ZMPSTE24: variants seen among roughly 807,000 people sequenced by gnomAD.
The protein encoded by ZMPSTE24 is zinc metallopeptidase STE24.
ZMPSTE24 carries 48 observed loss-of-function variants against 56.7 expected under a neutral mutation model. The ratio of observed to expected loss-of-function variants is 0.85; its 90% confidence interval spans 0.67 to 1.08. The LOEUF is 1.08. Ranked by LOEUF, ZMPSTE24 falls within the 50% of genes least tolerant of loss-of-function variation. The pLI, the probability that ZMPSTE24 is intolerant of heterozygous loss-of-function variation, is 0.00. For missense variants in ZMPSTE24, 503 were observed against 548.7 expected (o/e 0.92, Z 0.83); for synonymous variants, 172 against 195.2 (o/e 0.88, Z 0.99).
At chr1:40,265,531 A>G (rs1267634346) in intron 2 of ZMPSTE24, among the ~76,000 whole-genome samples, 5 of 152,136 alleles carry the variant, frequency 3.3e-5, no homozygotes, top group Non-Finnish European at 7.4e-5. Flanking sequence ...GTGAGACCCC[A>G]TCTGTACAAA....
At chr1:40,269,135 G>A (rs1298967480) in intron 4 of ZMPSTE24, among the ~76,000 whole-genome samples, 6 of 149,538 alleles carry the variant, frequency 4.0e-5, no homozygotes, top group East Asian at 2.0e-4. Flanking sequence ...AGTGGCTCAC[G>A]CCTGTAATCC....
At chr1:40,271,781 T>C (rs1165294072) in intron 5 of ZMPSTE24, 113 bp from the exon 6 acceptor site, 1 of 1,219,498 alleles carries the variant, frequency 8.2e-7, no homozygotes, top group Non-Finnish European at 1.1e-6. Flanking sequence ...GTAAGTTCCT[T>C]GTTCTCAAGT....
At chr1:40,278,974 C>T (rs1442930975) in intron 6 of ZMPSTE24, among the ~76,000 whole-genome samples, 1 of 152,024 alleles carries the variant, frequency 6.6e-6, no homozygotes, top group Non-Finnish European at 1.5e-5. Context: ...CATAGCAAGA[C>T]CCTGTCTCTA....
chr1:40,276,279 A>G (rs1643670933), intron 6 of ZMPSTE24, among the ~76,000 whole-genome samples: 1 of 152,228 alleles, frequency 6.6e-6, no homozygotes. Context: ...AGCGCTAAAA[A>G]TACAGATTTG....
chr1:40,283,016 T>G (rs770638724), intron 7 of ZMPSTE24, among the ~76,000 whole-genome samples: 3 of 152,184 alleles, frequency 2.0e-5, no homozygotes, highest in Non-Finnish European at 4.4e-5. Flanking sequence ...AGAAAATGAT[T>G]AGCATCTGAG....
chr1:40,269,724 C>T (rs1643593939), intron 4 of ZMPSTE24, among the ~76,000 whole-genome samples: 1 of 152,176 alleles, frequency 6.6e-6, no homozygotes, highest in Non-Finnish European at 1.5e-5. Context: ...TCTAGGCCTT[C>T]CAAAGTGCTG....
At chr1:40,261,911 A>G (rs962342518) in intron 2 of ZMPSTE24, among the ~76,000 whole-genome samples, 9 of 152,106 alleles carry the variant, frequency 5.9e-5, no homozygotes, top group Admixed American at 3.9e-4. Flanking sequence ...GGGTTTCACC[A>G]TGTTAGCCAG....
At chr1:40,263,624 C>T (rs1409170605) in intron 2 of ZMPSTE24, among the ~76,000 whole-genome samples, 2 of 151,328 alleles carry the variant, frequency 1.3e-5, no homozygotes, top group Non-Finnish European at 2.9e-5. Context: ...ACTTTGAAAC[C>T]TTGTTTTGTT....
intron 6 of ZMPSTE24, among the ~76,000 whole-genome samples, chr1:40,273,535 AAAAT>A (rs1167326002): frequency 8.1e-4 from 37 of 45,434 alleles, no homozygotes; most frequent in Non-Finnish European, 1.2e-3. Context: ...AAAAAAAAAA[AAAAT>A]ATATATATAT....
chr1:40,286,117 A>G lies in ZMPSTE24; in HGVS notation c.1059+88A>G, dbSNP rs1643784988. ...ATGAGAGGTCATATAAGAGAGGCCA[A>G]GGCAGACACCACAGCCAGGCTACCT... On this transcript the variant is annotated intron_variant, in intron 8 of 9. Coordinates refer to ENST00000372759, the MANE Select transcript of ZMPSTE24 (RefSeq NM_005857.5). 8 of 1,162,282 alleles carry G rather than the reference A, an allele frequency of 6.9e-6. No homozygotes were observed. The South Asian group carries it at 1.0e-4, about 15-fold the overall frequency. 72.0% of individuals were successfully genotyped at this position (1,162,282 alleles called of 1,614,324 possible).
intron 2 of ZMPSTE24, among the ~76,000 whole-genome samples, chr1:40,266,761 GTTTTTTTTTTTTTTT>G (rs3075102): frequency 1.1e-5 from 1 of 88,116 alleles, no homozygotes; most frequent in South Asian, 4.3e-4. Context: ...TTTCGAACAA[GTTTTTTTTTTTTTTT>G]TTTTTTTTTT....
intron 1 of ZMPSTE24, 98 bp downstream of exon 1, chr1:40,258,492 G>T: frequency 1.3e-6 from 2 of 1,592,830 alleles, no homozygotes; most frequent in Admixed American, 3.4e-5. Context: ...CGGTCCCCGC[G>T]CCAGTCTCGT....
intron 6 of ZMPSTE24, among the ~76,000 whole-genome samples, chr1:40,275,802 A>G (rs1050990347): frequency 6.6e-6 from 1 of 151,694 alleles, no homozygotes; most frequent in Non-Finnish European, 1.5e-5. Context: ...CAAAATCCAC[A>G]GGAAAATTAA....
intron 1 of ZMPSTE24, among the ~76,000 whole-genome samples, chr1:40,260,356 C>A (rs200661582): frequency 1.3e-5 from 2 of 152,048 alleles, no homozygotes; most frequent in Admixed American, 6.6e-5. Flanking sequence ...CCACCGTGCC[C>A]GGCTGAAAAT....
rs759424820 is a variant in ZMPSTE24, at chr1:40,281,358, C to G, written c.785C>G (p.Ser262Cys). The G allele has an allele frequency of 6.2e-7, 1 of 1,614,024 alleles. No homozygotes were observed. Among genetic ancestry groups the G allele is most frequent in the South Asian group, 1.1e-5 (1 of 91,076 alleles). ...VYVVEGSKRS[S>C]HSNAYFYGFF... ...TTTTCCTTAGGATCTAAACGCTCTT[C>G]CCACAGCAATGCTTATTTTTATGGC... Residue 262 changes from serine to cysteine, a missense_variant, in exon 7 of 10, where the codon TCC (serine) becomes TGC (cysteine). Physicochemically the swap from Ser to Cys is moderately radical, Grantham distance 112. Coordinates refer to ENST00000372759, the MANE Select transcript of ZMPSTE24 (RefSeq NM_005857.5).
chr1:40,292,881 G>A lies in ZMPSTE24; in HGVS notation c.*212G>A. 2.1e-6 allele frequency: 1 copy of A among 470,128 alleles called. No individual in the cohort carries two copies. The highest frequency in any genetic ancestry group is 4.0e-5 in the East Asian group (1 of 25,290). The allele number at this position is 470,128 out of a possible 1,614,324, so 29.1% of individuals were successfully genotyped here. A position where few individuals can be genotyped will look rare whatever the true frequency, so the allele number is the denominator to read the frequency against. On this transcript the variant is annotated 3_prime_UTR_variant, in exon 10 of 10. Transcript: ENST00000372759. ...ATTTTGAAGCTTAATGTTTTTAAAG[G>A]CATAGTTTTATCTTTGACATCTAAT...
intron 8 of ZMPSTE24, among the ~76,000 whole-genome samples, chr1:40,288,158 G>A (rs1390108801): frequency 6.6e-6 from 1 of 152,092 alleles, no homozygotes; most frequent in African/African-American, 2.4e-5. Flanking sequence ...CAGCCTGGGT[G>A]ACAGACCCTG....
rs144787725 is a variant in ZMPSTE24 at position 40,260,871 on chromosome 1, A to G, written c.156A>G (p.Pro52=). Residue 52 remains proline, a synonymous_variant, in exon 2 of 10, where the codon CCA becomes CCG. Coordinates refer to ENST00000372759, the MANE Select transcript of ZMPSTE24 (RefSeq NM_005857.5). ...TATATAAAACAACAACTCATGTACC[A>G]CCGGAGTTAGGACAGATCATGGATT... ...RRIYKTTTHV[P]PELGQIMDSE... is the part of the protein sequence containing the mutation. 1.2e-6 allele frequency: 2 copies of G among 1,613,986 alleles called. No homozygotes were observed. Among genetic ancestry groups the G allele is most frequent in the Admixed American group, 3.3e-5 (2 of 60,004 alleles).
intron 2 of ZMPSTE24, among the ~76,000 whole-genome samples, chr1:40,266,685 A>G (rs1230131652): frequency 6.6e-6 from 1 of 152,104 alleles, no homozygotes; most frequent in African/African-American, 2.4e-5. Context: ...CTTTCACAGA[A>G]AAGACAATTA....
Sources: gnomAD v4.1 joint callset for allele counts (sites outside exome capture counted in the v4.1 genomes callset) on GRCh38, gnomAD v4.1.1 for gene constraint, MANE v1.5 for transcripts, NCBI Gene and HGNC (gene_info 2026-07-23, HGNC 2026-07-21) for gene names.